The following GALNTL6 variants were observed in gnomAD, a reference collection of about 807,000 sequenced individuals.
The protein encoded by GALNTL6 is polypeptide N-acetylgalactosaminyltransferase like 6, also known as polypeptide N-acetylgalactosaminyltransferase-like 6.
GALNTL6 carries 46 observed loss-of-function variants against 73.7 expected under a neutral mutation model. The ratio of observed to expected loss-of-function variants is 0.62; its 90% CI spans 0.49 to 0.80. The LOEUF (loss-of-function observed/expected upper bound fraction) is 0.80. Ranked by LOEUF, GALNTL6 falls within the 30% of genes least tolerant of loss-of-function variation. The pLI, the probability that GALNTL6 is intolerant of heterozygous loss-of-function variation, is 0.00. For missense variants in GALNTL6, 604 were observed against 755.0 expected (o/e 0.80, Z 2.34); for synonymous variants, 259 against 263.7 (o/e 0.98, Z 0.17).
intron 2 of GALNTL6, among the ~76,000 whole-genome samples, chr4:172,028,308 CAA>C: frequency 7.6e-6 from 1 of 131,370 alleles, no homozygotes; most frequent in East Asian, 2.1e-4. Context: ...ATAAAAACTT[CAA>C]AAAAATATAA....
chr4:172,850,713 C>T (rs932231266), intron 7 of GALNTL6, among the ~76,000 whole-genome samples: 43 of 152,282 alleles, frequency 2.8e-4, no homozygotes, highest in African/African-American at 1.0e-3. Flanking sequence ...GTAACCTGTA[C>T]TTCCTACTAG....
At chr4:172,304,196 TTTC>T (rs1189357078) in intron 3 of GALNTL6, among the ~76,000 whole-genome samples, 1 of 152,202 alleles carries the variant, frequency 6.6e-6, no homozygotes, top group Non-Finnish European at 1.5e-5. Flanking sequence ...CATGAATAAC[TTTC>T]TTCATTTCCC....
intron 5 of GALNTL6, among the ~76,000 whole-genome samples, chr4:172,681,101 G>C (rs1732609590): frequency 6.6e-6 from 1 of 151,980 alleles, no homozygotes; most frequent in Non-Finnish European, 1.5e-5. Context: ...CTGAATGGAG[G>C]CTTTCCCACT....
chr4:172,624,629 A>G (rs1207988132), intron 5 of GALNTL6, among the ~76,000 whole-genome samples: 1 of 152,066 alleles, frequency 6.6e-6, no homozygotes, highest in Non-Finnish European at 1.5e-5. Flanking sequence ...GGGAAGACAA[A>G]CATTGAGGAG....
At position 172,715,169 on chromosome 4, in the gene GALNTL6, G is replaced by A. The variant is rs935281668; in HGVS notation, c.554-94192G>A. 3.9e-5 allele frequency among the ~76,000 whole-genome samples: 6 copies of A among 152,136 alleles called. 1 individual carries two copies. In the East Asian group the frequency reaches 5.8e-4, roughly 15 times the overall value. ...TGGGGTCTCTACTATGATTTAGACTGTCTCTTTTATTAGGCAGAATTCGGA... is the reference window on the plus strand; with the variant it reads ...TGGGGTCTCTACTATGATTTAGACTATCTCTTTTATTAGGCAGAATTCGGA... On this transcript the variant is annotated intron_variant, in intron 5 of 12. Coordinates refer to ENST00000506823, the MANE Select transcript of GALNTL6 (RefSeq NM_001034845.3).
intron 2 of GALNTL6, among the ~76,000 whole-genome samples, chr4:171,978,627 A>C (rs1739792131): frequency 6.6e-6 from 1 of 152,220 alleles, no homozygotes; most frequent in Admixed American, 6.5e-5. Context: ...CCAACTCTAA[A>C]AACTCTTAAT....
intron 5 of GALNTL6, among the ~76,000 whole-genome samples, chr4:172,780,299 A>G (rs1477902377): frequency 2.6e-5 from 4 of 152,210 alleles, no homozygotes; most frequent in Non-Finnish European, 5.9e-5. Context: ...CATCACTGAA[A>G]GTAGTTTAGT....
chr4:172,496,538 T>TA (rs1734077934), intron 5 of GALNTL6, among the ~76,000 whole-genome samples: 1 of 151,466 alleles, frequency 6.6e-6, no homozygotes, highest in Non-Finnish European at 1.5e-5. Context: ...AAATAAAAAA[T>TA]AAAAAAATTA....
intron 2 of GALNTL6, among the ~76,000 whole-genome samples, chr4:172,193,246 GGCACCCTATACAGGA>G (rs1489727898): frequency 6.6e-6 from 1 of 152,180 alleles, no homozygotes; most frequent in Non-Finnish European, 1.5e-5. Context: ...GGGGTCACTA[GGCACCCTATACAGGA>G]GCATTCCTGC....
At chr4:172,601,767 G>T in intron 5 of GALNTL6, among the ~76,000 whole-genome samples, 1 of 149,330 alleles carries the variant, frequency 6.7e-6, no homozygotes, top group Non-Finnish European at 1.5e-5. Flanking sequence ...AGTCTAATAC[G>T]CTTATAGAGT....
chr4:172,427,281 G>A (rs1454877183), intron 5 of GALNTL6, among the ~76,000 whole-genome samples: 1 of 152,128 alleles, frequency 6.6e-6, no homozygotes, highest in African/African-American at 2.4e-5. Context: ...GGTGAATGTG[G>A]AACAAAGTCA....
rs149154880 is a variant in GALNTL6, at chr4:172,739,594, C to G, written c.554-69767C>G. Among the ~76,000 whole-genome samples the G allele has an allele frequency of 3.9e-3, 592 of 152,226 alleles. 4 individuals are homozygous for G. The highest frequency in any genetic ancestry group is 5.9e-3 in the Non-Finnish European group (401 of 67,994). ...TAATTCCAGAATAATTTTTCCAAAA[C>G]TAATGTATTTACATCAAGTTTGGAG... On this transcript the variant is annotated intron_variant, in intron 5 of 12. Transcript: ENST00000506823.
chr4:172,353,038 T>G (rs1201344618), intron 5 of GALNTL6, among the ~76,000 whole-genome samples: 20 of 152,112 alleles, frequency 1.3e-4, no homozygotes. Context: ...TTGCTAGAAA[T>G]GCAGACTCTC....
At chr4:172,426,916 TTATATATA>T (rs35184907) in intron 5 of GALNTL6, among the ~76,000 whole-genome samples, 1 of 149,364 alleles carries the variant, frequency 6.7e-6, no homozygotes, top group African/African-American at 2.5e-5. Context: ...GTAAGGACTC[TTATATATA>T]TATATATATA....
intron 5 of GALNTL6, chr4:172,668,779 C>T (rs1412584133): frequency 8.5e-5 from 13 of 152,140 alleles, no homozygotes; most frequent in African/African-American, 2.9e-4. Flanking sequence ...GGATGGCCCA[C>T]TTCAAAGGGT....
intron 2 of GALNTL6, among the ~76,000 whole-genome samples, chr4:172,143,395 ATTTC>A (rs1225873965): frequency 6.6e-6 from 1 of 151,282 alleles, no homozygotes; most frequent in Non-Finnish European, 1.5e-5. Context: ...TTTTTATTTG[ATTTC>A]TTTGTCTTTG....
At chr4:172,172,256 G>A (rs1452400849) in intron 2 of GALNTL6, among the ~76,000 whole-genome samples, 2 of 152,154 alleles carry the variant, frequency 1.3e-5, no homozygotes, top group Non-Finnish European at 2.9e-5. Context: ...GGAGCACAGT[G>A]GTGCGATCTC....
intron 5 of GALNTL6, among the ~76,000 whole-genome samples, chr4:172,623,524 G>C (rs1026656039): frequency 6.6e-6 from 1 of 151,970 alleles, no homozygotes; most frequent in African/African-American, 2.4e-5. Context: ...AATATTAAAG[G>C]CATCAATCAG....
At chr4:172,325,465 T>G (rs529509205) in intron 4 of GALNTL6, among the ~76,000 whole-genome samples, 1 of 151,572 alleles carries the variant, frequency 6.6e-6, no homozygotes, top group East Asian at 1.9e-4. Context: ...CTGGAAAAAA[T>G]AAATAGCAAT....
Sources: gnomAD v4.1 joint callset for allele counts (sites outside exome capture counted in the v4.1 genomes callset) on GRCh38, gnomAD v4.1.1 for gene constraint, MANE v1.5 for transcripts, NCBI Gene and HGNC (gene_info 2026-07-23, HGNC 2026-07-21) for gene names.